MFSD11: variants seen among roughly 807,000 people sequenced by gnomAD.
The protein encoded by MFSD11 is UNC93-like protein MFSD11.
MFSD11 carries 36 observed loss-of-function variants against 53.5 expected under a neutral mutation model. The ratio of observed to expected loss-of-function variants is 0.67; its 90% CI spans 0.52 to 0.89. MFSD11 has a LOEUF of 0.89. MFSD11 is among the 40% of genes least tolerant of loss of function. The pLI, the probability that MFSD11 is intolerant of heterozygous loss-of-function variation, is 0.00. For synonymous variants in MFSD11, 186 were observed against 184.9 expected, an observed-to-expected ratio of 1.01 and a Z score of -0.05; for missense variants, 530 against 543.9, an observed-to-expected ratio of 0.97 and a Z score of 0.25.
the MFSD11 span, among the ~76,000 whole-genome samples, chr17:76,802,463 C>T: frequency 0.015 from 2,274 of 152,276 alleles, 50 homozygotes; most frequent in African/African-American, 0.051. Context: ...AACTCTAACT[C>T]TTAGAAATTT....
chr17:76,740,613 A>T (rs1360891919), intron 2 of MFSD11, among the ~76,000 whole-genome samples: 1 of 152,072 alleles, frequency 6.6e-6, no homozygotes, highest in Non-Finnish European at 1.5e-5. Flanking sequence ...CTTTTCTTTC[A>T]CATGAGGATA....
At chr17:76,797,695 T>G in the MFSD11 span, among the ~76,000 whole-genome samples, 2 of 152,170 alleles carry the variant, frequency 1.3e-5, no homozygotes, top group African/African-American at 4.8e-5. Flanking sequence ...CAGCCCCATT[T>G]TACCCAGCCC....
In MFSD11 at chr17:76,778,255, T is replaced by C. The variant is rs148896768; in HGVS notation, c.1253T>C (p.Met418Thr). The C allele has an allele frequency of 5.9e-5, 96 of 1,614,062 alleles. No individual in the cohort carries two copies. The highest frequency in any genetic ancestry group is 7.7e-5 in the Non-Finnish European group (91 of 1,180,038). The stretch of plus-strand genomic sequence containing the variant: ...CTCCTTCACTGGCAACTCCTGGTCA[T>C]GGTGATATTTGGGTTTTTTGGAACA... ...YLLLHWQLLV[M>T]VIFGFFGTIS... The change falls in exon 13 of 13, where the codon ATG becomes ACG. Residue 418 changes from methionine (M) to threonine (T), a missense_variant. Coordinates refer to ENST00000685175, the MANE Select transcript of MFSD11 (RefSeq NM_001242532.5).
chr17:76,787,279 GCGCCCGCCACCA>G, the MFSD11 span, among the ~76,000 whole-genome samples: 16 of 147,080 alleles, frequency 1.1e-4, no homozygotes, highest in Non-Finnish European at 2.3e-4. Flanking sequence ...GGGATTACAG[GCGCCCGCCACCA>G]CGCCCAGCTA....
chr17:76,748,948 G>A (rs1357374622), intron 7 of MFSD11, among the ~76,000 whole-genome samples: 1 of 151,028 alleles, frequency 6.6e-6, no homozygotes, highest in Non-Finnish European at 1.5e-5. Context: ...CTATATTTGA[G>A]GTTCTCTGAT....
At chr17:76,756,581 C>T (rs191415253) in intron 8 of MFSD11, among the ~76,000 whole-genome samples, 2 of 152,228 alleles carry the variant, frequency 1.3e-5, no homozygotes, top group Admixed American at 6.5e-5. Flanking sequence ...CATTATTAGG[C>T]CGGGTGCAGT....
intron 10 of MFSD11, among the ~76,000 whole-genome samples, chr17:76,771,269 A>C (rs1163471438): frequency 6.6e-6 from 1 of 152,188 alleles, no homozygotes; most frequent in Non-Finnish European, 1.5e-5. Flanking sequence ...CTGAATAACT[A>C]ATGTCCCTCG....
the MFSD11 span, among the ~76,000 whole-genome samples, chr17:76,799,942 C>T: frequency 6.3e-5 from 9 of 143,850 alleles, no homozygotes; most frequent in African/African-American, 2.5e-4. Context: ...CTCTTTTTTT[C>T]TTTTTCTTTT....
At chr17:76,791,193 T>C in the MFSD11 span, among the ~76,000 whole-genome samples, 1 of 148,890 alleles carries the variant, frequency 6.7e-6, no homozygotes. Flanking sequence ...GATGTTCTTA[T>C]CAAGAGTAGT....
At chr17:76,777,508 TATAA>T in intron 12 of MFSD11, among the ~76,000 whole-genome samples, 2 of 152,360 alleles carry the variant, frequency 1.3e-5, no homozygotes, top group East Asian at 3.9e-4. Flanking sequence ...GTGCTGGGAT[TATAA>T]ACATGAGCCA....
chr17:76,740,210 A>T (rs2077933777), intron 2 of MFSD11, among the ~76,000 whole-genome samples: 1 of 151,650 alleles, frequency 6.6e-6, no homozygotes, highest in Non-Finnish European at 1.5e-5. Flanking sequence ...ATGCAAAAAC[A>T]CATTTGATAT....
At chr17:76,760,608 G>A (rs561610024) in intron 8 of MFSD11, among the ~76,000 whole-genome samples, 47 of 151,868 alleles carry the variant, frequency 3.1e-4, no homozygotes, top group African/African-American at 1.1e-3. Context: ...TCGGCTCACT[G>A]CAACCTCCAC....
chr17:76,779,529 G>A (rs1190686558), downstream of MFSD11, among the ~76,000 whole-genome samples: 2 of 151,894 alleles, frequency 1.3e-5, no homozygotes, highest in African/African-American at 2.4e-5. Context: ...CTGTCGCCTA[G>A]GCTAGAGTGC....
the MFSD11 span, among the ~76,000 whole-genome samples, chr17:76,802,004 C>T: frequency 3.3e-5 from 5 of 151,970 alleles, no homozygotes; most frequent in South Asian, 2.1e-4. Context: ...GGGCTGGGCA[C>T]GGTGGCTCAC....
At chr17:76,759,348 T>TCTCAG (rs1352470765) in intron 8 of MFSD11, among the ~76,000 whole-genome samples, 1 of 152,056 alleles carries the variant, frequency 6.6e-6, no homozygotes, top group Non-Finnish European at 1.5e-5. Context: ...AGTGGTTCTA[T>TCTCAG]CTCAGCTCAC....
intron 8 of MFSD11, among the ~76,000 whole-genome samples, chr17:76,755,812 A>ATATAT (rs1555669398): frequency 7.7e-4 from 15 of 19,520 alleles, no homozygotes; most frequent in African/African-American, 2.3e-3. Flanking sequence ...ATATATATAT[A>ATATAT]TTTTTTTTTT....
At chr17:76,787,489 TGAGA>T in the MFSD11 span, among the ~76,000 whole-genome samples, 1 of 150,090 alleles carries the variant, frequency 6.7e-6, no homozygotes, top group East Asian at 1.9e-4. Context: ...TTTCTCAAAC[TGAGA>T]GATTCATTAT....
Position 76,742,011 on chromosome 17 carries a change from C to T in MFSD11, c.303C>T (p.Phe101=). ...AVFIQPFPWS[F]YTASVFIGIA... ...TCATCCAGCCTTTCCCGTGGTCCTTCTACACAGCCTCTGTTTTCATTGGAA... is the reference window on the plus strand; with the variant it reads ...TCATCCAGCCTTTCCCGTGGTCCTTTTACACAGCCTCTGTTTTCATTGGAA... Residue 101 remains phenylalanine (F), a synonymous_variant, in exon 4 of 13, where the codon TTC becomes TTT. Coordinates refer to ENST00000685175, the MANE Select transcript of MFSD11 (RefSeq NM_001242532.5). The T allele has an allele frequency of 6.2e-7, 1 of 1,614,172 alleles. No individual in the cohort carries two copies. The highest frequency in any genetic ancestry group is 1.3e-5 in the African/African-American group (1 of 75,042).
rs2078158669 is a variant in MFSD11, at chr17:76,742,274, G to A, written c.437+1G>A. ...TTTTCTGGGCACTTCTGCAGTCTAG[G>A]TAATTATCCTTTTGAGGTTCAGTCT... On this transcript the variant is annotated splice_donor_variant, in intron 5 of 12. Coordinates refer to ENST00000685175, the MANE Select transcript of MFSD11 (RefSeq NM_001242532.5). LOFTEE classifies it high-confidence loss of function. The A allele has an allele frequency of 1.9e-6, 3 of 1,611,184 alleles. No individual in the cohort carries two copies. The highest frequency in any genetic ancestry group is 1.7e-6 in the Non-Finnish European group (2 of 1,177,578).
Sources: gnomAD v4.1 joint callset for allele counts (sites outside exome capture counted in the v4.1 genomes callset) on GRCh38, gnomAD v4.1.1 for gene constraint, MANE v1.5 for transcripts, NCBI Gene and HGNC (gene_info 2026-07-23, HGNC 2026-07-21) for gene names.